SLMAP: variants seen among roughly 807,000 people sequenced by gnomAD.
SLMAP encodes sarcolemma associated protein.
SLMAP carries 44 observed loss-of-function variants against 128.8 expected under a neutral mutation model. The ratio of observed to expected loss-of-function variants is 0.34; its 90% CI spans 0.27 to 0.44. SLMAP has a LOEUF of 0.44. Ranked by LOEUF, SLMAP falls within the 20% of genes least tolerant of loss-of-function variation. The pLI, the probability that SLMAP is intolerant of heterozygous loss-of-function variation, is 1.00. For missense variants in SLMAP, 787 were observed against 985.3 expected, an observed-to-expected ratio of 0.80 and a Z score of 2.69; for synonymous variants, 327 against 348.8, an observed-to-expected ratio of 0.94 and a Z score of 0.70.
intron 5 of SLMAP, 40 bp from the exon 6 acceptor site, chr3:57,849,714 A>G: frequency 9.4e-7 from 1 of 1,065,166 alleles, no homozygotes; most frequent in South Asian, 1.3e-5. Flanking sequence ...AATGTTCTTT[A>G]TGAAGTGTTT....
chr3:57,908,334 G>A (rs774823951), intron 18 of SLMAP, among the ~76,000 whole-genome samples: 2 of 152,226 alleles, frequency 1.3e-5, no homozygotes, highest in Non-Finnish European at 2.9e-5. Flanking sequence ...GTTAGCTAAT[G>A]TCCTGGCCAC....
chr3:57,857,789 A>G lies in SLMAP; in HGVS notation c.576A>G (p.Leu192=). The change falls in exon 7 of 25, where the codon CTA becomes CTG. Residue 192 remains leucine (L), a synonymous_variant. Transcript: ENST00000671191. The stretch of plus-strand genomic sequence containing the variant: ...AGAAGTTAGCCACGCTTCAGCGGCT[A>G]CTAGCCATCACCCAAGAGGCTTCAG... ...LEQKLATLQR[L]LAITQEASDT... is the part of the protein sequence containing the mutation. 2 of 1,613,874 alleles carry G rather than the reference A, an allele frequency of 1.2e-6. No homozygotes were observed. Among genetic ancestry groups the G allele is most frequent in the South Asian group, 1.1e-5 (1 of 91,086 alleles).
intron 17 of SLMAP, among the ~76,000 whole-genome samples, chr3:57,906,292 A>ATTTTTTTCT (rs1559511806): frequency 1.0e-4 from 8 of 78,758 alleles, no homozygotes; most frequent in African/African-American, 3.7e-4. Flanking sequence ...CCAGAATCAA[A>ATTTTTTTCT]TTTTTTTCTT....
intron 18 of SLMAP, 103 bp downstream of exon 18, chr3:57,908,109 A>G: frequency 9.6e-7 from 1 of 1,040,446 alleles, no homozygotes; most frequent in Non-Finnish European, 1.4e-6. Context: ...CAGATTCACA[A>G]CTTTATGAGA....
At chr3:57,871,741 G>C (rs761050895) in intron 14 of SLMAP, 43 bp downstream of exon 14, 1 of 1,456,926 alleles carries the variant, frequency 6.9e-7, no homozygotes, top group Admixed American at 1.7e-5. Flanking sequence ...ATGAAGTCAG[G>C]GGCTAAAACT....
intron 2 of SLMAP, among the ~76,000 whole-genome samples, chr3:57,807,133 T>G (rs1194816213): frequency 1.3e-5 from 2 of 152,260 alleles, no homozygotes; most frequent in Non-Finnish European, 1.5e-5. Flanking sequence ...TGAGCTTTCT[T>G]TCATATATTT....
rs568811716 is a variant in SLMAP, at chr3:57,765,263, G to A, written c.198+7414G>A. 2.6e-5 allele frequency among the ~76,000 whole-genome samples: 4 copies of A among 152,252 alleles called. No individual in the cohort carries two copies. The South Asian group carries it at 6.2e-4, about 24-fold the overall frequency. On this transcript the variant is annotated intron_variant, in intron 2 of 24. Transcript: ENST00000671191. ...AAAGTTCAAAAACTTGTATTTGCCA[G>A]GGGTGCATCAGGTCTGTAGCCCCAC...
rs999042505 is a variant in SLMAP, at chr3:57,906,310, C to CTTTTTTTTTTTT, written c.1502-1563_1502-1552dup. ...GAATCAAATTTTTTTCTTTTTTTTT[C>CTTTTTTTTTTTT]TTTTTTTTTTTTTTTTTTTTTTAGA... On this transcript the variant is annotated intron_variant, in intron 17 of 24. Transcript: ENST00000671191. Among the ~76,000 whole-genome samples, 142 of 47,014 alleles carry CTTTTTTTTTTTT rather than the reference C, an allele frequency of 3.0e-3. 24 individuals are homozygous for CTTTTTTTTTTTT. Among genetic ancestry groups the CTTTTTTTTTTTT allele is most frequent in the Middle Eastern group, 0.019 (1 of 52 alleles). The allele number at this position is 47,014 out of a possible 152,430, so 30.8% of individuals were successfully genotyped here.
chr3:57,831,356 C>CT, intron 2 of SLMAP, 27 bp from the exon 3 acceptor site: 1 of 1,426,452 alleles, frequency 7.0e-7, no homozygotes, highest in Non-Finnish European at 9.3e-7. Flanking sequence ...ATATTTGGCC[C>CT]TTTTTTGTTT....
intron 2 of SLMAP, among the ~76,000 whole-genome samples, chr3:57,793,993 A>C (rs1248796641): frequency 3.3e-5 from 5 of 151,644 alleles, no homozygotes; most frequent in African/African-American, 9.7e-5. Flanking sequence ...TTTTAGCTCA[A>C]GAGGTTAGGA....
At chr3:57,833,754 A>G (rs1159303562) in intron 3 of SLMAP, among the ~76,000 whole-genome samples, 1 of 151,712 alleles carries the variant, frequency 6.6e-6, no homozygotes, top group Non-Finnish European at 1.5e-5. Flanking sequence ...GTGAAATTTG[A>G]TTTATCTTTT....
At chr3:57,829,705 A>G (rs1341993206) in intron 2 of SLMAP, among the ~76,000 whole-genome samples, 1 of 152,252 alleles carries the variant, frequency 6.6e-6, no homozygotes, top group Non-Finnish European at 1.5e-5. Flanking sequence ...TGAATTATAA[A>G]CAGAGAATAA....
chr3:57,780,082 TA>T (rs1307079405), intron 2 of SLMAP, among the ~76,000 whole-genome samples: 12 of 151,712 alleles, frequency 7.9e-5, no homozygotes, highest in Admixed American at 4.6e-4. Context: ...ATTTACATTC[TA>T]AATGGAATTT....
At chr3:57,844,709 G>T (rs1226575071) in intron 4 of SLMAP, among the ~76,000 whole-genome samples, 4 of 129,414 alleles carry the variant, frequency 3.1e-5, no homozygotes, top group African/African-American at 1.1e-4. Context: ...TTTCTATTTA[G>T]ACTTTTTTTT....
At chr3:57,787,480 ATC>A (rs1242689782) in intron 2 of SLMAP, among the ~76,000 whole-genome samples, 1 of 152,084 alleles carries the variant, frequency 6.6e-6, no homozygotes, top group Non-Finnish European at 1.5e-5. Flanking sequence ...CTTATTGGGC[ATC>A]TCTTTCTTTT....
intron 2 of SLMAP, among the ~76,000 whole-genome samples, chr3:57,814,110 T>C (rs1054686035): frequency 2.0e-5 from 3 of 152,028 alleles, no homozygotes; most frequent in African/African-American, 7.2e-5. Flanking sequence ...TTTTTTCTAT[T>C]TTATTTTTTC....
At chr3:57,798,603 T>G (rs1252080423) in intron 2 of SLMAP, among the ~76,000 whole-genome samples, 2 of 152,208 alleles carry the variant, frequency 1.3e-5, no homozygotes, top group Admixed American at 1.3e-4. Context: ...AAGCTAACAT[T>G]ATGACATAAA....
chr3:57,922,855 T>A (rs1394966470), intron 22 of SLMAP, 34 bp from the exon 23 acceptor site: 1 of 1,600,144 alleles, frequency 6.2e-7, no homozygotes, highest in Non-Finnish European at 8.5e-7. Flanking sequence ...CATTTTAAGT[T>A]GTATCTGCAC....
intron 15 of SLMAP, among the ~76,000 whole-genome samples, chr3:57,892,644 T>C (rs974328365): frequency 2.0e-5 from 3 of 152,020 alleles, no homozygotes; most frequent in Non-Finnish European, 4.4e-5. Flanking sequence ...TGACTTGACT[T>C]GCTAAAAACT....
Sources: allele counts gnomAD v4.1 joint callset (sites outside exome capture counted in the v4.1 genomes callset), GRCh38; gene constraint gnomAD v4.1.1; transcripts MANE v1.5; gene names NCBI Gene and HGNC (gene_info 2026-07-23, HGNC 2026-07-21).